The following NTM variants were observed in gnomAD, a reference collection of about 807,000 sequenced individuals.
The protein encoded by NTM is IgLON family member 2.
In NTM, 13 loss-of-function variants were observed where a neutral mutation model predicts 42.1. The ratio of observed to expected loss-of-function variants is 0.31; its 90% CI spans 0.20 to 0.49. NTM has a LOEUF of 0.49. Ranked by LOEUF, NTM falls within the 20% of genes least tolerant of loss-of-function variation. The pLI, the probability that NTM is intolerant of heterozygous loss-of-function variation, is 0.99. For missense variants in NTM, 373 were observed against 452.8 expected (o/e 0.82, Z 1.60); for synonymous variants, 187 against 179.2 (o/e 1.04, Z -0.35).
At chr11:131,675,139 C>T (rs777284573) in intron 1 of NTM, among the ~76,000 whole-genome samples, 13 of 152,274 alleles carry the variant, frequency 8.5e-5, no homozygotes, top group South Asian at 6.2e-4. Flanking sequence ...TTGTATAAGA[C>T]GAAGAGAGCA....
chr11:131,605,682 T>C (rs2060888560), intron 1 of NTM: 2 of 484,744 alleles, frequency 4.1e-6, no homozygotes, highest in Non-Finnish European at 5.4e-6. Context: ...GTGGTTTGTA[T>C]GTGCCCTTTA....
At chr11:132,161,167 C>T (rs2074183665) in intron 3 of NTM, among the ~76,000 whole-genome samples, 1 of 152,008 alleles carries the variant, frequency 6.6e-6, no homozygotes, top group African/African-American at 2.4e-5. Flanking sequence ...GAGTTGAGCT[C>T]CTGGTTTCAT....
chr11:132,215,174 C>A (rs1408339773), intron 4 of NTM, among the ~76,000 whole-genome samples: 1 of 152,204 alleles, frequency 6.6e-6, no homozygotes, highest in Non-Finnish European at 1.5e-5. Context: ...AGAAAGAGCG[C>A]TGTTGTCATC....
chr11:131,575,381 CT>C (rs1478074733), intron 1 of NTM, among the ~76,000 whole-genome samples: 2 of 152,116 alleles, frequency 1.3e-5, no homozygotes, highest in Non-Finnish European at 2.9e-5. Flanking sequence ...AATTTCTCTT[CT>C]GGTTGAAATG....
At chr11:132,295,059 A>C (rs1365613078) in intron 4 of NTM, among the ~76,000 whole-genome samples, 2 of 152,088 alleles carry the variant, frequency 1.3e-5, no homozygotes, top group Non-Finnish European at 2.9e-5. Context: ...ATATGGAATA[A>C]AATTATTTAG....
At chr11:131,572,372 T>C (rs902998552) in intron 1 of NTM, among the ~76,000 whole-genome samples, 2 of 152,136 alleles carry the variant, frequency 1.3e-5, no homozygotes, top group African/African-American at 4.8e-5. Flanking sequence ...AGGACACTCT[T>C]AGGCATTATT....
At chr11:132,050,907 C>A (rs1352425381) in intron 2 of NTM, among the ~76,000 whole-genome samples, 3 of 152,294 alleles carry the variant, frequency 2.0e-5, no homozygotes, top group South Asian at 2.1e-4. Context: ...TCTGGTTCTT[C>A]TTCTGCATAA....
intron 1 of NTM, among the ~76,000 whole-genome samples, chr11:131,909,514 A>G (rs1465692166): frequency 6.6e-6 from 1 of 152,210 alleles, no homozygotes; most frequent in African/African-American, 2.4e-5. Flanking sequence ...TCTAGGGGAA[A>G]AACAAAGCCA....
chr11:132,040,854 A>T (rs1566007044), intron 2 of NTM, among the ~76,000 whole-genome samples: 1 of 152,210 alleles, frequency 6.6e-6, no homozygotes, highest in African/African-American at 2.4e-5. Context: ...TCTCAACATC[A>T]GTTCACCACT....
chr11:131,927,866 C>G (rs1166903467), intron 2 of NTM, among the ~76,000 whole-genome samples: 1 of 152,090 alleles, frequency 6.6e-6, no homozygotes, highest in Non-Finnish European at 1.5e-5. Flanking sequence ...TGGCTAGATA[C>G]AGTATATACA....
At chr11:132,010,725 G>C (rs941119395) in intron 2 of NTM, among the ~76,000 whole-genome samples, 1 of 151,638 alleles carries the variant, frequency 6.6e-6, no homozygotes, top group East Asian at 1.9e-4. Flanking sequence ...CTGGGGACTT[G>C]GTCAGGTGTC....
chr11:131,481,295 T>C (rs2136234862), intron 1 of NTM, among the ~76,000 whole-genome samples: 1 of 152,342 alleles, frequency 6.6e-6, no homozygotes, highest in South Asian at 2.1e-4. Flanking sequence ...GAAGATCCCC[T>C]GAACGTGGAG....
At chr11:132,120,835 G>T (rs751386314) in intron 2 of NTM, among the ~76,000 whole-genome samples, 7 of 152,266 alleles carry the variant, frequency 4.6e-5, no homozygotes, top group Non-Finnish European at 1.0e-4. Flanking sequence ...ACCCCAAGGT[G>T]CCTCTTGGTA....
intron 1 of NTM, among the ~76,000 whole-genome samples, chr11:131,488,148 A>G (rs998776404): frequency 6.6e-6 from 1 of 152,220 alleles, no homozygotes; most frequent in South Asian, 2.1e-4. Flanking sequence ...GGCTTTTCCC[A>G]TTATGTATTG....
chr11:131,795,622 A>T lies in NTM; in HGVS notation c.83-115942A>T, dbSNP rs554133343. The T allele has an allele frequency of 3.0e-6, 3 of 985,296 alleles. No individual in the cohort carries two copies. The African/African-American group carries it at 5.2e-5, about 17-fold the overall frequency. The allele number at this position is 985,296 out of a possible 1,614,324, so 61.0% of individuals were successfully genotyped here. A position where few individuals can be genotyped will look rare whatever the true frequency, so the allele number is the denominator to read the frequency against. On this transcript the variant is annotated intron_variant, in intron 1 of 8. Coordinates refer to ENST00000683400, the MANE Select transcript of NTM (RefSeq NM_001352005.2). ...CCACAGAGTCATGGGAGACCCTTGTAGGAGCTTGATTCCCATGTAGGCCAG... is the reference window on the plus strand; with the variant it reads ...CCACAGAGTCATGGGAGACCCTTGTTGGAGCTTGATTCCCATGTAGGCCAG...
intron 1 of NTM, among the ~76,000 whole-genome samples, chr11:131,429,254 G>C (rs1049316281): frequency 1.3e-5 from 2 of 152,138 alleles, no homozygotes; most frequent in Non-Finnish European, 2.9e-5. Flanking sequence ...CCAAGGGAGG[G>C]GGTAGCTGCC....
At chr11:131,766,047 A>T (rs953765326) in intron 1 of NTM, among the ~76,000 whole-genome samples, 1 of 152,184 alleles carries the variant, frequency 6.6e-6, no homozygotes, top group Non-Finnish European at 1.5e-5. Flanking sequence ...TTAGGAACAA[A>T]ATGACTAAAC....
intron 1 of NTM, chr11:131,662,209 CAA>C (rs775838283): frequency 6.6e-6 from 1 of 152,170 alleles, no homozygotes; most frequent in African/African-American, 2.4e-5. Flanking sequence ...TTGCTTTTAA[CAA>C]AGAGGGAGGA....
At chr11:131,595,285 C>G (rs1254493472) in intron 1 of NTM, among the ~76,000 whole-genome samples, 3 of 152,108 alleles carry the variant, frequency 2.0e-5, no homozygotes, top group Non-Finnish European at 4.4e-5. Flanking sequence ...TGCGCCTCCA[C>G]CAGCTGAAGG....
Sources: gnomAD v4.1 joint callset for allele counts (sites outside exome capture counted in the v4.1 genomes callset) on GRCh38, gnomAD v4.1.1 for gene constraint, MANE v1.5 for transcripts, NCBI Gene and HGNC (gene_info 2026-07-23, HGNC 2026-07-21) for gene names.